Variants in TMEFF2 observed in about 807,000 individuals in gnomAD.
TMEFF2 encodes tomoregulin-2.
In TMEFF2, 28 loss-of-function variants were observed where a neutral mutation model predicts 53.8. The ratio of observed to expected loss-of-function variants is 0.52; its 90% CI spans 0.39 to 0.71. The LOEUF is 0.71. TMEFF2 is among the 30% of genes least tolerant of loss of function. The pLI, the probability that TMEFF2 is intolerant of heterozygous loss-of-function variation, is 0.00. For missense variants in TMEFF2, 353 were observed against 455.2 expected (o/e 0.78, Z 2.04); for synonymous variants, 162 against 166.3 (o/e 0.97, Z 0.20).
In TMEFF2 at chr2:192,194,858, A is replaced by G; in HGVS notation, c.-334T>C. The G allele has an allele frequency of 3.2e-6, 1 of 309,278 alleles. No homozygotes were observed. Among genetic ancestry groups the G allele is most frequent in the Non-Finnish European group, 6.1e-6 (1 of 163,352 alleles). The allele number at this position is 309,278 out of a possible 1,614,324, so 19.2% of individuals were successfully genotyped here. A position where few individuals can be genotyped will look rare whatever the true frequency, so the allele number is the denominator to read the frequency against. ...AGGGGCAGACGAGTGGAGCCCGAGG[A>G]GGCAGGGTGGAGGGAGAGTCAAGGC... On this transcript the variant is annotated 5_prime_UTR_variant, in exon 1 of 10. Coordinates refer to ENST00000272771, the MANE Select transcript of TMEFF2 (RefSeq NM_016192.4). The surrounding 1 kb of genome is among the most constrained non-coding windows in gnomAD (Gnocchi z 4.2).
chr2:192,077,816 T>TTA (rs894833179), intron 4 of TMEFF2, among the ~76,000 whole-genome samples: 1 of 152,042 alleles, frequency 6.6e-6, no homozygotes, highest in Non-Finnish European at 1.5e-5. Flanking sequence ...TTGTATATGT[T>TTA]TATATATATA....
chr2:191,964,383 T>C (rs1327859748), intron 7 of TMEFF2, among the ~76,000 whole-genome samples: 1 of 23,052 alleles, frequency 4.3e-5, no homozygotes. Context: ...TCTTTCTTTC[T>C]TTCTTTCTTT....
At chr2:192,179,825 A>C in intron 3 of TMEFF2, 131 bp from the exon 4 acceptor site, 1 of 650,234 alleles carries the variant, frequency 1.5e-6, no homozygotes, top group Non-Finnish European at 2.4e-6. Flanking sequence ...TATTTAATCC[A>C]AAAACGTACA....
intron 7 of TMEFF2, 99 bp from the exon 8 acceptor site, chr2:191,956,477 T>C (rs1415302627): frequency 1.5e-6 from 2 of 1,319,052 alleles, no homozygotes; most frequent in African/African-American, 3.0e-5. Flanking sequence ...CAAAGATATT[T>C]AAAAGGGCAA....
At chr2:191,967,155 C>T (rs1458016089) in intron 7 of TMEFF2, among the ~76,000 whole-genome samples, 2 of 151,942 alleles carry the variant, frequency 1.3e-5, no homozygotes, top group Non-Finnish European at 2.9e-5. Context: ...ATTCTAAACA[C>T]TAATGAACTA....
Position 192,194,888 on chromosome 2 carries a change from C to T in TMEFF2, c.-364G>A, listed in dbSNP as rs567049361. 28 of 227,782 alleles carry T rather than the reference C, an allele frequency of 1.2e-4. No individual in the cohort carries two copies. Among genetic ancestry groups the T allele is most frequent in the African/African-American group, 5.3e-4 (23 of 43,270 alleles). 14.1% of individuals were successfully genotyped at this position (227,782 alleles called of 1,614,324 possible). ...GGGTGGAGGGAGAGTCAAGGCGCCC[C>T]GCAGCCCGGCAGCCGCCTCTCGAGC... On this transcript the variant is annotated 5_prime_UTR_variant, in exon 1 of 10. Coordinates refer to ENST00000272771, the MANE Select transcript of TMEFF2 (RefSeq NM_016192.4). This position sits in a 1 kb window ranked among gnomAD's most constrained non-coding sequence, Gnocchi z 4.2.
At position 192,194,466 on chromosome 2, in the gene TMEFF2, C is replaced by T. The variant is rs140698350; in HGVS notation, c.59G>A (p.Cys20Tyr). Reference sequence around the variant, plus strand: ...CATGACGGGCAGCAGCAGCAGCCAGCAAAAGCCCTCGCAAAGTGTCCAGCT... The same window carrying T: ...CATGACGGGCAGCAGCAGCAGCCAGTAAAAGCCCTCGCAAAGTGTCCAGCT... ...CSSWTLCEGF[C>Y]WLLLLPVMLL... is the part of the protein sequence containing the mutation. The change falls in exon 1 of 10, where the codon TGC becomes TAC. Residue 20 changes from cysteine to tyrosine, a missense_variant. This residue lies in a region of TMEFF2 where 54 missense variants were observed against 41.8 expected (regional missense o/e 1.29). Coordinates refer to ENST00000272771, the MANE Select transcript of TMEFF2 (RefSeq NM_016192.4). The surrounding 1 kb of genome is among the most constrained non-coding windows in gnomAD (Gnocchi z 4.2). 2 of 1,614,146 alleles carry T rather than the reference C, an allele frequency of 1.2e-6. No homozygotes were observed. The highest frequency in any genetic ancestry group is 1.7e-5 in the Admixed American group (1 of 60,024).
At chr2:192,094,972 A>G (rs1051426216) in intron 4 of TMEFF2, among the ~76,000 whole-genome samples, 2 of 152,212 alleles carry the variant, frequency 1.3e-5, no homozygotes, top group African/African-American at 4.8e-5. Context: ...TTAAGCTTCC[A>G]ATAATTAAGT....
rs936365024 is a variant in TMEFF2 at position 191,959,047 on chromosome 2, A to G, written c.746-2669T>C. The stretch of plus-strand genomic sequence containing the variant: ...GTGTTTGTGATCTTAATGTTTATGT[A>G]TAGTAGGTATTAAGCAATAACAAAG... On this transcript the variant is annotated intron_variant, in intron 7 of 9. Coordinates refer to ENST00000272771, the MANE Select transcript of TMEFF2 (RefSeq NM_016192.4). Among the ~76,000 whole-genome samples the G allele has an allele frequency of 5.3e-5, 8 of 152,196 alleles. 1 individual carries two copies. The highest frequency in any genetic ancestry group is 1.3e-4 in the Admixed American group (2 of 15,284).
intron 4 of TMEFF2, among the ~76,000 whole-genome samples, chr2:192,059,135 G>A (rs1012690907): frequency 6.6e-6 from 1 of 151,140 alleles, no homozygotes; most frequent in African/African-American, 2.5e-5. Flanking sequence ...AAAGGTGGAG[G>A]GATTTATTTT....
At chr2:191,994,496 C>A in intron 7 of TMEFF2, among the ~76,000 whole-genome samples, 1 of 149,376 alleles carries the variant, frequency 6.7e-6, no homozygotes, top group Non-Finnish European at 1.5e-5. Context: ...AGAAAATATA[C>A]ATATATATAC....
chr2:191,953,795 G>C lies in TMEFF2; in HGVS notation c.912C>G (p.Asp304Glu). ...CGGGAACAACGTATAGAACACTGTA[G>C]TCCTTTTTTTCACAGTGTTGTCCAG... ...GYTGQHCEKK[D>E]YSVLYVVPGP... The change falls in exon 9 of 10, where the codon GAC becomes GAG. Residue 304 changes from aspartate to glutamate, a missense_variant. Physicochemically the swap from Asp to Glu is conservative, Grantham distance 45. Coordinates refer to ENST00000272771, the MANE Select transcript of TMEFF2 (RefSeq NM_016192.4). The C allele has an allele frequency of 1.2e-6, 2 of 1,607,172 alleles. No homozygotes were observed. The highest frequency in any genetic ancestry group is 8.5e-7 in the Non-Finnish European group (1 of 1,175,454).
At position 192,159,468 on chromosome 2, in the gene TMEFF2, G is replaced by A. The variant is rs528248919; in HGVS notation, c.439+20200C>T. Among the ~76,000 whole-genome samples, 89 of 152,194 alleles carry A rather than the reference G, an allele frequency of 5.8e-4. 1 individual carries two copies. The South Asian group carries it at 0.017, about 28-fold the overall frequency. ...AGCTGTGATTCTGGGAACTGAATGCGCTAGTTTTGCTACTGTCATGACACC... is the reference window on the plus strand; with the variant it reads ...AGCTGTGATTCTGGGAACTGAATGCACTAGTTTTGCTACTGTCATGACACC... On this transcript the variant is annotated intron_variant, in intron 4 of 9. Transcript: ENST00000272771.
chr2:192,089,814 G>A lies in TMEFF2; in HGVS notation c.440-32039C>T, dbSNP rs78528893. Among the ~76,000 whole-genome samples, 676 of 152,284 alleles carry A rather than the reference G, an allele frequency of 4.4e-3. 4 individuals are homozygous for A. Among genetic ancestry groups the A allele is most frequent in the African/African-American group, 0.015 (613 of 41,554 alleles). ...TTACATAACTTTACAGAATTGCTGA[G>A]AAGGTTAAATAAGAAAAGACATATA... On this transcript the variant is annotated intron_variant, in intron 4 of 9. Transcript: ENST00000272771.
chr2:192,032,898 T>G lies in TMEFF2; in HGVS notation c.536+24781A>C, dbSNP rs573103825. Among the ~76,000 whole-genome samples, 411 of 152,322 alleles carry G rather than the reference T, an allele frequency of 2.7e-3. 2 individuals carry two copies. Among genetic ancestry groups the G allele is most frequent in the African/African-American group, 9.5e-3 (393 of 41,562 alleles). ...TTTATATTATAAATAAACCTGTTGT[T>G]TTTTTCTCTAACAACAACAAAGTAA... is the stretch of plus-strand genomic sequence containing the variant. On this transcript the variant is annotated intron_variant, in intron 5 of 9. Transcript: ENST00000272771.
chr2:192,028,753 T>A (rs1206665346), intron 5 of TMEFF2: 2 of 152,180 alleles, frequency 1.3e-5, no homozygotes, highest in African/African-American at 4.8e-5. Flanking sequence ...CATGAATGTA[T>A]AAGCTATGAG....
At chr2:191,984,327 A>G (rs1685924957) in intron 7 of TMEFF2, among the ~76,000 whole-genome samples, 1 of 152,182 alleles carries the variant, frequency 6.6e-6, no homozygotes, top group African/African-American at 2.4e-5. Context: ...TCTCATATAT[A>G]TGATGGGAGG....
chr2:192,161,180 T>C (rs1166009768), intron 4 of TMEFF2, among the ~76,000 whole-genome samples: 2 of 152,082 alleles, frequency 1.3e-5, no homozygotes, highest in Admixed American at 6.6e-5. Flanking sequence ...TTTATTTTTA[T>C]TTTTTTGAGA....
chr2:192,037,329 G>GAAAGAAAGAAAA (rs1687338736), intron 5 of TMEFF2, among the ~76,000 whole-genome samples: 1 of 145,770 alleles, frequency 6.9e-6, no homozygotes, highest in African/African-American at 2.6e-5. Flanking sequence ...AAGAAAGAAA[G>GAAAGAAAGAAAA]AAAGAAAAAC....
Sources: gnomAD v4.1 joint callset for allele counts (sites outside exome capture counted in the v4.1 genomes callset) on GRCh38, gnomAD v4.1.1 for gene constraint, gnomAD v4.1.1 regional missense constraint, Gnocchi (gnomAD v3.1) non-coding constraint, MANE v1.5 for transcripts, NCBI Gene and HGNC (gene_info 2026-07-23, HGNC 2026-07-21) for gene names.